SCN8A: variants seen among roughly 807,000 people sequenced by gnomAD.
SCN8A encodes the protein sodium voltage-gated channel alpha subunit 8.
A neutral mutation model predicts 184.1 loss-of-function variants in SCN8A; 30 were observed. That is an observed-to-expected ratio of 0.16 (90% confidence interval 0.12 to 0.22). SCN8A has a LOEUF of 0.22. Among genes scored for constraint, SCN8A ranks in the 10% least tolerant of loss-of-function variants. The pLI, the probability that SCN8A is intolerant of heterozygous loss-of-function variation, is 1.00. For missense variants in SCN8A, 1,057 were observed against 2,498.9 expected (o/e 0.42, Z 12.30); for synonymous variants, 852 against 907.0 (o/e 0.94, Z 1.09).
At chr12:51,790,034 T>C (rs1214213823) in intron 24 of SCN8A, among the ~76,000 whole-genome samples, 2 of 152,258 alleles carry the variant, frequency 1.3e-5, no homozygotes, top group Admixed American at 1.3e-4. Flanking sequence ...AAGATCTTTT[T>C]ATTCTAAAAT....
chr12:51,621,068 T>G (rs185895956), intron 1 of SCN8A, among the ~76,000 whole-genome samples: 1 of 152,288 alleles, frequency 6.6e-6, no homozygotes, highest in East Asian at 1.9e-4. Context: ...TTATAATGGC[T>G]TCAGTGGGGC....
intron 25 of SCN8A, among the ~76,000 whole-genome samples, chr12:51,792,275 G>T (rs1938278161): frequency 6.9e-6 from 1 of 144,578 alleles, no homozygotes; most frequent in Non-Finnish European, 1.5e-5. Flanking sequence ...GAGCCTAGGA[G>T]TTCTAGACCA....
intron 11 of SCN8A, chr12:51,712,420 G>T (rs1287707575): frequency 1.6e-5 from 12 of 756,244 alleles, no homozygotes; most frequent in Non-Finnish European, 7.3e-6. Flanking sequence ...ACAGCTCCTC[G>T]CGCTCTCTCC....
Position 51,768,960 on chromosome 12 carries a change from C to T in SCN8A, c.2997C>T (p.Ile999=). 1 of 1,612,170 alleles carries T rather than the reference C, an allele frequency of 6.2e-7. No homozygotes were observed. The highest frequency in any genetic ancestry group is 1.1e-5 in the South Asian group (1 of 91,028). The change falls in exon 17 of 27, where the codon ATC becomes ATT. Residue 999 remains isoleucine, a synonymous_variant. Coordinates refer to ENST00000627620, the MANE Select transcript of SCN8A (RefSeq NM_001330260.2). ...ATGGGGAAATGAACAACCTCCAGAT[C>T]TCAGTGATCCGTATCAAGAAGGGTG... ...DDDGEMNNLQ[I]SVIRIKKGVA... is the part of the protein sequence containing the mutation.
chr12:51,751,246 C>A, intron 13 of SCN8A, 109 bp from the exon 14 acceptor site: 1 of 771,050 alleles, frequency 1.3e-6, no homozygotes, highest in Non-Finnish European at 2.2e-6. Flanking sequence ...GCGCTCAAAA[C>A]AACCTTGATT....
At chr12:51,630,533 T>C (rs141063485) in intron 1 of SCN8A, among the ~76,000 whole-genome samples, 17 of 152,290 alleles carry the variant, frequency 1.1e-4, no homozygotes, top group African/African-American at 4.1e-4. Context: ...TTTAGGTTAC[T>C]TCCATCTTTG....
intron 1 of SCN8A, among the ~76,000 whole-genome samples, chr12:51,598,288 G>T (rs1294294644): frequency 6.6e-6 from 1 of 152,072 alleles, no homozygotes. Flanking sequence ...TTAAGAGTAG[G>T]TATTCACTCC....
At chr12:51,635,312 G>A (rs190328978) in intron 1 of SCN8A, among the ~76,000 whole-genome samples, 1 of 152,238 alleles carries the variant, frequency 6.6e-6, no homozygotes, top group Admixed American at 6.5e-5. Context: ...TATCCTTAAT[G>A]CTGTTGTGTC....
rs541101316 is a variant in SCN8A, at chr12:51,640,499, C to A, written c.-54-22265C>A. 2.0e-4 allele frequency among the ~76,000 whole-genome samples: 31 copies of A among 151,734 alleles called. 4 individuals carry two copies. Among genetic ancestry groups the A allele is most frequent in the African/African-American group, 7.5e-4 (31 of 41,352 alleles). ...TGATCGGGGGAATAAGAACAACTGT[C>A]CCAAGCAGCAATAGGTAAGATAGCA... On this transcript the variant is annotated intron_variant, in intron 1 of 26. Transcript: ENST00000627620.
intron 3 of SCN8A, 131 bp from the exon 4 acceptor site, chr12:51,686,237 A>G: frequency 4.5e-6 from 3 of 669,020 alleles, no homozygotes; most frequent in South Asian, 3.5e-5. Context: ...GTCACCTTGC[A>G]TTTTTCTCTT....
intron 1 of SCN8A, among the ~76,000 whole-genome samples, chr12:51,597,830 GT>G (rs1939382009): frequency 6.6e-6 from 1 of 152,058 alleles, no homozygotes; most frequent in Non-Finnish European, 1.5e-5. Flanking sequence ...TTAGCTCCTT[GT>G]TTCAGGATTA....
chr12:51,612,122 G>C (rs766395094), intron 1 of SCN8A, among the ~76,000 whole-genome samples: 2 of 152,058 alleles, frequency 1.3e-5, no homozygotes, highest in Admixed American at 6.6e-5. Flanking sequence ...AAAACATTCA[G>C]TTTTTCACTA....
intron 21 of SCN8A, among the ~76,000 whole-genome samples, chr12:51,785,998 C>G (rs1216152284): frequency 6.6e-6 from 1 of 151,994 alleles, no homozygotes; most frequent in Non-Finnish European, 1.5e-5. Flanking sequence ...TTTCTTGAGC[C>G]TGCAAAATAT....
intron 1 of SCN8A, among the ~76,000 whole-genome samples, chr12:51,624,924 CT>C (rs373086875): frequency 1.1e-4 from 17 of 148,860 alleles, no homozygotes; most frequent in Non-Finnish European, 1.5e-4. Flanking sequence ...TATAGGCCAG[CT>C]TTTTTTTTTC....
At chr12:51,628,255 G>T (rs1940122310) in intron 1 of SCN8A, among the ~76,000 whole-genome samples, 1 of 152,186 alleles carries the variant, frequency 6.6e-6, no homozygotes. Flanking sequence ...GAATTTTTAA[G>T]ACTAGTTTAC....
rs1939799880 is a variant in SCN8A at position 51,614,852 on chromosome 12, T to C, written c.-55+23493T>C. 4.6e-5 allele frequency among the ~76,000 whole-genome samples: 7 copies of C among 151,716 alleles called. No homozygotes were observed. In the South Asian group the frequency reaches 1.5e-3, roughly 31 times the overall value. On this transcript the variant is annotated intron_variant, in intron 1 of 26. Coordinates refer to ENST00000627620, the MANE Select transcript of SCN8A (RefSeq NM_001330260.2). ...CTTATTCCTTTTTGAAAAAATTGTA[T>C]TGTGGTAAGAACATTTTACATGAGA...
intron 12 of SCN8A, among the ~76,000 whole-genome samples, chr12:51,728,752 A>T (rs1047239111): frequency 6.6e-6 from 1 of 151,140 alleles, no homozygotes; most frequent in African/African-American, 2.4e-5. Context: ...AAAAAAAAAA[A>T]ATTCCCAAAT....
At chr12:51,638,482 T>A (rs1251230996) in intron 1 of SCN8A, among the ~76,000 whole-genome samples, 1 of 151,396 alleles carries the variant, frequency 6.6e-6, no homozygotes, top group Non-Finnish European at 1.5e-5. Flanking sequence ...TTGAAAGGAG[T>A]TATTCCTTTT....
chr12:51,691,642 T>C (rs930903172), intron 6 of SCN8A, among the ~76,000 whole-genome samples: 3 of 152,088 alleles, frequency 2.0e-5, no homozygotes, highest in Non-Finnish European at 4.4e-5. Flanking sequence ...GCACCCCCAA[T>C]TGAGCTGGCT....
Sources: gnomAD v4.1 joint callset for allele counts (sites outside exome capture counted in the v4.1 genomes callset) on GRCh38, gnomAD v4.1.1 for gene constraint, MANE v1.5 for transcripts, NCBI Gene and HGNC (gene_info 2026-07-23, HGNC 2026-07-21) for gene names.